SHROOM2: variants seen among roughly 807,000 people sequenced by gnomAD.
SHROOM2 encodes the protein shroom family member 2.
SHROOM2 carries 33 observed loss-of-function variants against 75.9 expected under a neutral mutation model. That is an observed-to-expected ratio of 0.43 (90% confidence interval 0.33 to 0.58). The LOEUF (loss-of-function observed/expected upper bound fraction) is 0.58, where lower values mean the gene tolerates loss of function less well. Among genes scored for constraint, SHROOM2 ranks in the 20% least tolerant of loss-of-function variants. SHROOM2 has a pLI of 0.04. For missense variants in SHROOM2, 1,434 were observed against 1,461.2 expected, an observed-to-expected ratio of 0.98 and a Z score of 0.30; for synonymous variants, 655 against 663.6, an observed-to-expected ratio of 0.99 and a Z score of 0.20.
At chrX:9,808,788 G>A (rs899893203) in intron 1 of SHROOM2, among the ~76,000 whole-genome samples, 2 of 110,304 alleles carry the variant, frequency 1.8e-5, no homozygotes, top group Non-Finnish European at 3.8e-5. Flanking sequence ...CTTGAACCTG[G>A]GAAGCGGAGG....
chrX:9,934,091 G>C (rs1356033357), intron 6 of SHROOM2, among the ~76,000 whole-genome samples: 2 of 111,745 alleles, frequency 1.8e-5, no homozygotes, highest in African/African-American at 6.5e-5. Flanking sequence ...GATGCCAGCT[G>C]CTCTTAGGCT....
At chrX:9,928,142 T>C (rs12388358) in intron 5 of SHROOM2, among the ~76,000 whole-genome samples, 12,756 of 111,399 alleles carry the variant, frequency 0.11, 1,840 homozygotes, top group African/African-American at 0.4. Flanking sequence ...CTTCATGCTC[T>C]GTCTCCTTCA....
At position 9,838,350 on chromosome X, in the gene SHROOM2, G is replaced by A. The variant is rs370138710; in HGVS notation, c.166-35302G>A. On this transcript the variant is annotated intron_variant, in intron 1 of 9. Coordinates refer to ENST00000380913, the MANE Select transcript of SHROOM2 (RefSeq NM_001649.4). ...GCTGGGATTACAGGCATGAGCCACC[G>A]CACCCGGCCTTAAATCAGGAGTTTT... 3.9e-4 allele frequency among the ~76,000 whole-genome samples: 43 copies of A among 110,637 alleles called. No homozygotes were observed. In the South Asian group the frequency reaches 0.014, roughly 37 times the overall value.
intron 1 of SHROOM2, among the ~76,000 whole-genome samples, chrX:9,834,980 C>T (rs751199968): frequency 1.8e-5 from 2 of 112,885 alleles, no homozygotes; most frequent in Admixed American, 9.4e-5. Context: ...GTGGTGCTGT[C>T]GTGTCCTACC....
At chrX:9,937,708 C>T in intron 7 of SHROOM2, 23 bp downstream of exon 7, 1 of 1,118,893 alleles carries the variant, frequency 8.9e-7, no homozygotes, top group South Asian at 2.2e-5. Flanking sequence ...GGCCTCCCAG[C>T]TTGGGCGTGA....
intron 1 of SHROOM2, among the ~76,000 whole-genome samples, chrX:9,851,760 T>C (rs1480082915): frequency 1.8e-5 from 2 of 110,016 alleles, no homozygotes; most frequent in Non-Finnish European, 3.8e-5. Context: ...GATATTGACA[T>C]AGAGACCGTC....
chrX:9,866,750 C>T (rs890870967), intron 1 of SHROOM2, among the ~76,000 whole-genome samples: 7 of 111,728 alleles, frequency 6.3e-5, no homozygotes, highest in Admixed American at 1.9e-4. Context: ...TGGCTGCCTT[C>T]GCTGGGCCCC....
At chrX:9,806,912 T>C (rs1289225233) in intron 1 of SHROOM2, among the ~76,000 whole-genome samples, 1 of 111,521 alleles carries the variant, frequency 9.0e-6, no homozygotes, top group Non-Finnish European at 1.9e-5. Context: ...TTAGTCGAGC[T>C]GGGCTTTCAC....
At chrX:9,848,124 C>A (rs913830535) in intron 1 of SHROOM2, among the ~76,000 whole-genome samples, 2 of 111,977 alleles carry the variant, frequency 1.8e-5, no homozygotes, top group African/African-American at 6.5e-5. Context: ...TTACAGATTC[C>A]CCACTGTATA....
At chrX:9,787,120 T>G (rs1397657151) in intron 1 of SHROOM2, among the ~76,000 whole-genome samples, 1 of 111,743 alleles carries the variant, frequency 8.9e-6, no homozygotes, top group Non-Finnish European at 1.9e-5. Context: ...GACCCGTGCC[T>G]GTGATCACTA....
At chrX:9,806,155 C>T (rs1396500964) in intron 1 of SHROOM2, among the ~76,000 whole-genome samples, 1 of 110,164 alleles carries the variant, frequency 9.1e-6, no homozygotes, top group Non-Finnish European at 1.9e-5. Flanking sequence ...GCCTCCTAGC[C>T]TGTGGTGTTT....
At chrX:9,897,361 T>C (rs1395775749) in intron 4 of SHROOM2, among the ~76,000 whole-genome samples, 1 of 110,613 alleles carries the variant, frequency 9.0e-6, no homozygotes, top group Non-Finnish European at 1.9e-5. Flanking sequence ...TTTTTCTCCC[T>C]ATTACATCTG....
intron 1 of SHROOM2, among the ~76,000 whole-genome samples, chrX:9,842,236 T>G (rs916815356): frequency 1.8e-5 from 2 of 112,383 alleles, no homozygotes; most frequent in Admixed American, 1.9e-4. Context: ...TGGATCATTT[T>G]CCTCTTAACT....
chrX:9,831,174 A>G (rs1246853881), intron 1 of SHROOM2, among the ~76,000 whole-genome samples: 1 of 112,255 alleles, frequency 8.9e-6, no homozygotes, highest in African/African-American at 3.2e-5. Flanking sequence ...GTTTGTCAAC[A>G]TGGCACTATC....
chrX:9,929,699 A>T (rs969046055), intron 5 of SHROOM2, among the ~76,000 whole-genome samples: 1 of 111,442 alleles, frequency 9.0e-6, no homozygotes, highest in Non-Finnish European at 1.9e-5. Flanking sequence ...TTTAGCAATA[A>T]ATTATAGGTC....
intron 8 of SHROOM2, among the ~76,000 whole-genome samples, chrX:9,939,838 G>A (rs2084753477): frequency 8.9e-6 from 1 of 111,855 alleles, no homozygotes; most frequent in African/African-American, 3.3e-5. Context: ...CCAGGCTGGA[G>A]TGCAGTGGCA....
chrX:9,899,797 C>T (rs1601977911), intron 5 of SHROOM2, among the ~76,000 whole-genome samples: 1 of 112,397 alleles, frequency 8.9e-6, no homozygotes, highest in Non-Finnish European at 1.9e-5. Flanking sequence ...AAGTAGGTCA[C>T]GTGCCGAGCA....
At chrX:9,870,055 C>CA (rs1325254338) in intron 1 of SHROOM2, among the ~76,000 whole-genome samples, 7 of 110,620 alleles carry the variant, frequency 6.3e-5, no homozygotes, top group South Asian at 3.8e-4. Flanking sequence ...CCCATCTCTA[C>CA]AAAAAAAATA....
chrX:9,799,704 C>A (rs1349550552), intron 1 of SHROOM2, among the ~76,000 whole-genome samples: 1 of 110,205 alleles, frequency 9.1e-6, no homozygotes, highest in Non-Finnish European at 1.9e-5. Flanking sequence ...CTCTCTCTCT[C>A]ATCTAGGTGG....
Sources: gnomAD v4.1 joint callset for allele counts (sites outside exome capture counted in the v4.1 genomes callset) on GRCh38, gnomAD v4.1.1 for gene constraint, MANE v1.5 for transcripts, NCBI Gene and HGNC (gene_info 2026-07-23, HGNC 2026-07-21) for gene names.